The following LDB3 variants were observed in gnomAD, a reference collection of about 807,000 sequenced individuals.
LDB3 encodes the protein LIM domain binding 3.
LDB3 carries 49 observed loss-of-function variants against 69.0 expected under a neutral mutation model. The ratio of observed to expected loss-of-function variants is 0.71; its 90% CI spans 0.56 to 0.90. The LOEUF (loss-of-function observed/expected upper bound fraction) is 0.90, where lower values mean the gene tolerates loss of function less well. Ranked by LOEUF, LDB3 falls within the 40% of genes least tolerant of loss-of-function variation. The probability of loss-of-function intolerance (pLI) is 0.00; values close to 1 mark genes in which losing one functional copy is unlikely to be tolerated. For missense variants in LDB3, 928 were observed against 974.1 expected, an observed-to-expected ratio of 0.95 and a Z score of 0.63; for synonymous variants, 387 against 396.2, an observed-to-expected ratio of 0.98 and a Z score of 0.28.
intron 8 of LDB3, among the ~76,000 whole-genome samples, chr10:86,709,701 G>GGTGGCACTA (rs1846567782): frequency 6.6e-6 from 1 of 152,148 alleles, no homozygotes; most frequent in Non-Finnish European, 1.5e-5. Flanking sequence ...CTCCAAAGGC[G>GGTGGCACTA]GTGGCACTAG....
chr10:86,733,262 G>C lies in LDB3; in HGVS notation c.*286G>C, dbSNP rs1439532661. The C allele has an allele frequency of 2.5e-6, 1 of 400,764 alleles. No individual in the cohort carries two copies. Among genetic ancestry groups the C allele is most frequent in the Non-Finnish European group, 4.7e-6 (1 of 211,404 alleles). 24.8% of individuals were successfully genotyped at this position (400,764 alleles called of 1,614,324 possible). ...AATTCCAAGAACTCAAAAGTGAAAA[G>C]CAACAAGCAGCTTTCCCAAAGCGAT... On this transcript the variant is annotated 3_prime_UTR_variant, in exon 14 of 14. Coordinates refer to ENST00000361373, the MANE Select transcript of LDB3 (RefSeq NM_007078.3).
intron 3 of LDB3, 105 bp from the exon 4 acceptor site, chr10:86,679,977 C>T: frequency 1.0e-6 from 1 of 998,310 alleles, no homozygotes; most frequent in Non-Finnish European, 1.6e-6. Flanking sequence ...TCTCTGAGAG[C>T]TGACTCTGGC....
chr10:86,730,179 G>A (rs921571705), intron 13 of LDB3, among the ~76,000 whole-genome samples: 8 of 152,188 alleles, frequency 5.3e-5, no homozygotes, highest in Admixed American at 2.0e-4. Flanking sequence ...TGGGGCTAGC[G>A]TGGTGCCCTT....
intron 5 of LDB3, 137 bp downstream of exon 5, chr10:86,681,940 T>A: frequency 1.1e-6 from 1 of 909,414 alleles, no homozygotes; most frequent in Non-Finnish European, 1.7e-6. Flanking sequence ...AGGTCAGCAG[T>A]GATCCTGCGG....
At chr10:86,716,813 C>T (rs764833604) in intron 10 of LDB3, 42 bp downstream of exon 10, 61 of 1,559,224 alleles carry the variant, frequency 3.9e-5, no homozygotes, top group Non-Finnish European at 5.1e-5. Context: ...ACTGGAAGGG[C>T]GTGTGTGTGG....
Position 86,699,004 on chromosome 10 carries a change from A to C in LDB3, c.896+6433A>C, listed in dbSNP as rs1392559642. ...CCAGGTCCCTTCTCCACAGCCCCCA[A>C]CTCACTCAAGGCAGGGACTTCAGTC... On this transcript the variant is annotated intron_variant, in intron 7 of 13. Coordinates refer to ENST00000361373, the MANE Select transcript of LDB3 (RefSeq NM_007078.3). The surrounding 1 kb of genome is among the most constrained non-coding windows in gnomAD (Gnocchi z 4.9). Among the ~76,000 whole-genome samples, 2 of 151,688 alleles carry C rather than the reference A, an allele frequency of 1.3e-5. No individual in the cohort carries two copies. Among genetic ancestry groups the C allele is most frequent in the Non-Finnish European group, 2.9e-5 (2 of 67,902 alleles).
At chr10:86,732,009 CT>C (rs1323088769) in intron 13 of LDB3, among the ~76,000 whole-genome samples, 72 of 91,020 alleles carry the variant, frequency 7.9e-4, no homozygotes, top group Middle Eastern at 5.6e-3. Flanking sequence ...CTTTCTTTTT[CT>C]TTTTTTTTTT....
chr10:86,668,664 T>G lies in LDB3; in HGVS notation c.-23-5T>G, dbSNP rs1435306517. On this transcript the variant is annotated splice_polypyrimidine_tract_variant and splice_region_variant and intron_variant, in intron 1 of 13. Coordinates refer to ENST00000361373, the MANE Select transcript of LDB3 (RefSeq NM_007078.3). ...CACTCAACCCTCTCTACCCTTTGTCTGCAGAGGCGGCCGCTGACAGCACCA... is the reference window on the plus strand; with the variant it reads ...CACTCAACCCTCTCTACCCTTTGTCGGCAGAGGCGGCCGCTGACAGCACCA... 1.3e-6 allele frequency: 2 copies of G among 1,586,716 alleles called. No homozygotes were observed. Among genetic ancestry groups the G allele is most frequent in the Middle Eastern group, 1.7e-4 (1 of 6,012 alleles).
chr10:86,716,736 G>C lies in LDB3; in HGVS notation c.1641G>C (p.Arg547=). The C allele has an allele frequency of 1.2e-6, 2 of 1,613,022 alleles. No homozygotes were observed. The highest frequency in any genetic ancestry group is 1.7e-6 in the Non-Finnish European group (2 of 1,179,796). Residue 547 remains arginine (R), a synonymous_variant, in exon 10 of 14, where the codon CGG becomes CGC. Transcript: ENST00000361373. ...QRAERFPASS[R]TPLCGHCNNV... The stretch of plus-strand genomic sequence containing the variant: ...CTGAGCGATTCCCAGCCAGCAGCCG[G>C]ACTCCACTCTGCGGTCACTGCAACA...
At position 86,699,162 on chromosome 10, in the gene LDB3, G is replaced by T; in HGVS notation, c.896+6591G>T. The T allele has an allele frequency of 7.9e-7, 1 of 1,261,150 alleles. No homozygotes were observed. The highest frequency in any genetic ancestry group is 1.1e-6 in the Non-Finnish European group (1 of 870,900). 78.1% of individuals were successfully genotyped at this position (1,261,150 alleles called of 1,614,324 possible). A position where few individuals can be genotyped will look rare whatever the true frequency, so the allele number is the denominator to read the frequency against. ...CCCATGCCCTCTGCCCCACCTGTTA[G>T]ACAGGGGAATGGTGAACACATTCCC... On this transcript the variant is annotated intron_variant, in intron 7 of 13. Transcript: ENST00000361373. This position sits in a 1 kb window ranked among gnomAD's most constrained non-coding sequence, Gnocchi z 4.9.
intron 7 of LDB3, among the ~76,000 whole-genome samples, chr10:86,698,348 C>T (rs541438619): frequency 0.016 from 2,446 of 152,288 alleles, 51 homozygotes; most frequent in African/African-American, 0.049. Flanking sequence ...GTTGGAAGCA[C>T]CGTACAGGTT....
intron 5 of LDB3, among the ~76,000 whole-genome samples, chr10:86,688,050 C>CATGTGTGT (rs1554853052): frequency 2.9e-5 from 3 of 103,018 alleles, no homozygotes; most frequent in Middle Eastern, 4.5e-3. Flanking sequence ...CCCCGACCCT[C>CATGTGTGT]GTGTGTGTGT....
intron 7 of LDB3, among the ~76,000 whole-genome samples, chr10:86,695,253 C>T (rs1406941034): frequency 6.6e-6 from 1 of 152,240 alleles, no homozygotes; most frequent in East Asian, 1.9e-4. Flanking sequence ...AGTGTGAATA[C>T]ACATGTCAAG....
upstream of LDB3, chr10:86,668,490 C>T (rs1844269549): frequency 1.4e-5 from 9 of 658,502 alleles, no homozygotes; most frequent in African/African-American, 7.1e-5. Flanking sequence ...ATATCAGTGT[C>T]GATGGCATTC....
chr10:86,689,484 C>T (rs1845658338), intron 5 of LDB3, among the ~76,000 whole-genome samples: 1 of 152,232 alleles, frequency 6.6e-6, no homozygotes, highest in South Asian at 2.1e-4. Flanking sequence ...AATAATGTCA[C>T]TGTGGTCACA....
intron 7 of LDB3, chr10:86,700,170 C>G (rs999235735): frequency 6.6e-6 from 4 of 605,394 alleles, no homozygotes; most frequent in East Asian, 2.8e-4. Context: ...TGTCCACCGG[C>G]CCCAGGACAC....
intron 7 of LDB3, among the ~76,000 whole-genome samples, chr10:86,696,211 G>A (rs560986044): frequency 6.6e-6 from 1 of 150,726 alleles, no homozygotes; most frequent in African/African-American, 2.4e-5. Context: ...TCTCAGTTTT[G>A]CCCCCCCTGC....
chr10:86,668,334 C>T (rs748019043), upstream of LDB3: 9 of 367,014 alleles, frequency 2.5e-5, no homozygotes, highest in Non-Finnish European at 4.2e-5. Context: ...AGTTCCCCTT[C>T]CTCCCCCCTG....
At chr10:86,713,478 C>G (rs1002951640) in intron 9 of LDB3, among the ~76,000 whole-genome samples, 9 of 152,282 alleles carry the variant, frequency 5.9e-5, no homozygotes, top group African/African-American at 1.9e-4. Context: ...CTCCTAACCT[C>G]AAGTGATCCA....
Sources: allele counts gnomAD v4.1 joint callset (sites outside exome capture counted in the v4.1 genomes callset), GRCh38; gene constraint gnomAD v4.1.1; non-coding constraint Gnocchi (gnomAD v3.1); transcripts MANE v1.5; gene names NCBI Gene and HGNC (gene_info 2026-07-23, HGNC 2026-07-21).